Variants in SYTL3 observed in about 807,000 individuals in gnomAD.
SYTL3 encodes synaptotagmin like 3.
SYTL3 carries 88 observed loss-of-function variants against 82.1 expected under a neutral mutation model. The ratio of observed to expected loss-of-function variants is 1.07; its 90% CI spans 0.90 to 1.28. SYTL3 has a LOEUF of 1.28. Ranked by LOEUF, SYTL3 falls within the 50% of genes most tolerant of loss-of-function variation. SYTL3 has a pLI of 0.00. For synonymous variants in SYTL3, 311 were observed against 289.4 expected, an observed-to-expected ratio of 1.07 and a Z score of -0.76; for missense variants, 831 against 757.6, an observed-to-expected ratio of 1.10 and a Z score of -1.14.
chr6:158,688,872 AT>A (rs1779565592), intron 6 of SYTL3, among the ~76,000 whole-genome samples: 1 of 152,200 alleles, frequency 6.6e-6, no homozygotes, highest in Non-Finnish European at 1.5e-5. Flanking sequence ...AAATTATTGA[AT>A]AGAGGCAATT....
At chr6:158,670,888 C>T (rs1357429816) in intron 5 of SYTL3, among the ~76,000 whole-genome samples, 4 of 151,956 alleles carry the variant, frequency 2.6e-5, no homozygotes, top group South Asian at 2.1e-4. Flanking sequence ...CTGCAAGCTC[C>T]GCCTCCTGGG....
intron 11 of SYTL3, among the ~76,000 whole-genome samples, chr6:158,736,406 G>A (rs1432789558): frequency 6.6e-6 from 1 of 152,054 alleles, no homozygotes; most frequent in African/African-American, 2.4e-5. Flanking sequence ...AAATTATGGA[G>A]AATGTGCACA....
intron 15 of SYTL3, among the ~76,000 whole-genome samples, chr6:158,761,530 G>T (rs180863611): frequency 6.6e-6 from 1 of 151,826 alleles, no homozygotes; most frequent in Admixed American, 6.6e-5. Flanking sequence ...GGATGGTCTC[G>T]ATCTCCTGAC....
chr6:158,704,830 G>A (rs73593021), intron 6 of SYTL3, among the ~76,000 whole-genome samples: 20,504 of 138,556 alleles, frequency 0.15, 2,714 homozygotes, highest in African/African-American at 0.36. Context: ...AGTGAGGGCT[G>A]TAAGGCCACA....
upstream of SYTL3, among the ~76,000 whole-genome samples, chr6:158,649,170 C>A (rs139857620): frequency 1.6e-4 from 25 of 152,324 alleles, no homozygotes; most frequent in African/African-American, 6.0e-4. Context: ...TAGTTTGGTG[C>A]TCAGTTCTGT....
At chr6:158,695,207 AT>A (rs1780428425) in intron 6 of SYTL3, among the ~76,000 whole-genome samples, 1 of 152,216 alleles carries the variant, frequency 6.6e-6, no homozygotes, top group African/African-American at 2.4e-5. Context: ...CTACCAAAAA[AT>A]TTACAGAAAA....
intron 9 of SYTL3, 99 bp downstream of exon 9, chr6:158,713,977 C>T (rs2128464098): frequency 2.4e-6 from 2 of 823,946 alleles, no homozygotes; most frequent in Non-Finnish European, 4.1e-6. Context: ...CACTGTCCCT[C>T]AGGCCACTCA....
chr6:158,683,137 T>G (rs1778904762), intron 6 of SYTL3, 148 bp downstream of exon 6: 1 of 599,934 alleles, frequency 1.7e-6, no homozygotes, highest in African/African-American at 1.9e-5. Flanking sequence ...ATGCTCTCAC[T>G]GTAATTCACG....
chr6:158,763,563 G>A, intron 17 of SYTL3, 54 bp downstream of exon 17: 1 of 1,492,564 alleles, frequency 6.7e-7, no homozygotes, highest in Non-Finnish European at 9.3e-7. Context: ...ATCCTAATGG[G>A]TACCGTGCAA....
At chr6:158,711,557 C>G (rs192127567) in intron 8 of SYTL3, among the ~76,000 whole-genome samples, 5 of 152,198 alleles carry the variant, frequency 3.3e-5, no homozygotes, top group Non-Finnish European at 7.4e-5. Context: ...AAACAGACCC[C>G]AAGAAACGGT....
At chr6:158,704,324 T>A (rs1781706657) in intron 6 of SYTL3, among the ~76,000 whole-genome samples, 1 of 152,200 alleles carries the variant, frequency 6.6e-6, no homozygotes, top group Non-Finnish European at 1.5e-5. Flanking sequence ...ACGTTCCCTC[T>A]CCAGCCTTGA....
chr6:158,756,674 T>G (rs1789117678), intron 13 of SYTL3, among the ~76,000 whole-genome samples: 1 of 141,964 alleles, frequency 7.0e-6, no homozygotes, highest in African/African-American at 2.6e-5. Context: ...ATCGTGCCAC[T>G]GCACTCCAGC....
chr6:158,698,304 G>A (rs975122653), intron 6 of SYTL3, among the ~76,000 whole-genome samples: 1 of 151,416 alleles, frequency 6.6e-6, no homozygotes, highest in Non-Finnish European at 1.5e-5. Flanking sequence ...GGCTGAGGCA[G>A]GAGAATCGCT....
intron 5 of SYTL3, among the ~76,000 whole-genome samples, chr6:158,669,644 CAA>C (rs1395175172): frequency 6.6e-6 from 1 of 152,210 alleles, no homozygotes; most frequent in Admixed American, 6.5e-5. Context: ...CTGATGCCAA[CAA>C]AGAGCTGCTT....
chr6:158,742,969 G>A (rs1405220203), intron 11 of SYTL3, among the ~76,000 whole-genome samples: 3 of 152,086 alleles, frequency 2.0e-5, no homozygotes, highest in Non-Finnish European at 4.4e-5. Flanking sequence ...GCAGCATCTC[G>A]GTACTCGTGG....
At chr6:158,743,279 T>G (rs1407781270) in intron 11 of SYTL3, among the ~76,000 whole-genome samples, 2 of 152,210 alleles carry the variant, frequency 1.3e-5, no homozygotes, top group African/African-American at 4.8e-5. Context: ...ATGTCAGGCT[T>G]ACTTCCATGT....
chr6:158,743,444 C>G (rs1014430583), intron 11 of SYTL3, among the ~76,000 whole-genome samples: 17 of 152,020 alleles, frequency 1.1e-4, no homozygotes, highest in Admixed American at 3.9e-4. Context: ...GAAGCTGAGT[C>G]CCATGACAAA....
In SYTL3 at chr6:158,706,071, A is replaced by G. The variant is rs112096792; in HGVS notation, c.395-1159A>G. On this transcript the variant is annotated intron_variant, in intron 6 of 17. Coordinates refer to ENST00000611299, the MANE Select transcript of SYTL3 (RefSeq NM_001242394.2). ...GTTGAGTGCCCGGGCTTCAGGCAAG[A>G]CTGTGTTGTACCTTTTCATTCTGTC... 5.7e-3 allele frequency among the ~76,000 whole-genome samples: 870 copies of G among 152,148 alleles called. 9 individuals carry two copies. Among genetic ancestry groups the G allele is most frequent in the African/African-American group, 0.02 (824 of 41,502 alleles).
chr6:158,708,522 G>T, intron 8 of SYTL3, 131 bp downstream of exon 8: 1 of 843,978 alleles, frequency 1.2e-6, no homozygotes, highest in Non-Finnish European at 1.9e-6. Flanking sequence ...CCTGGAGCGG[G>T]TCACAAAGCG....
Sources: gnomAD v4.1 joint callset for allele counts (sites outside exome capture counted in the v4.1 genomes callset) on GRCh38, gnomAD v4.1.1 for gene constraint, MANE v1.5 for transcripts, NCBI Gene and HGNC (gene_info 2026-07-23, HGNC 2026-07-21) for gene names.